STK10: variants seen among roughly 807,000 people sequenced by gnomAD.
STK10 encodes the protein serine/threonine kinase 10, also known as serine/threonine-protein kinase 10.
STK10 carries 78 observed loss-of-function variants against 113.8 expected under a neutral mutation model. The ratio of observed to expected loss-of-function variants is 0.69; its 90% CI spans 0.57 to 0.83. STK10 has a LOEUF of 0.83. Ranked by LOEUF, STK10 falls within the 40% of genes least tolerant of loss-of-function variation. The probability of loss-of-function intolerance (pLI) is 0.00; values close to 1 mark genes in which losing one functional copy is unlikely to be tolerated. For missense variants in STK10, 1,109 were observed against 1,280.1 expected, an observed-to-expected ratio of 0.87 and a Z score of 2.04; for synonymous variants, 465 against 494.7, an observed-to-expected ratio of 0.94 and a Z score of 0.80.
In STK10 at chr5:172,120,051, G is replaced by A. The variant is rs182668972; in HGVS notation, c.371-2421C>T. ...GGTGGAGCTGGCGGAATGTGGAGGC[G>A]GTGGGAGGAGGGGAGTGAGAAGATT... is the stretch of plus-strand genomic sequence containing the variant. On this transcript the variant is annotated intron_variant, in intron 3 of 18. Coordinates refer to ENST00000176763, the MANE Select transcript of STK10 (RefSeq NM_005990.4). The surrounding 1 kb of genome is among the most constrained non-coding windows in gnomAD (Gnocchi z 4.0). Among the ~76,000 whole-genome samples, 33 of 152,136 alleles carry A rather than the reference G, an allele frequency of 2.2e-4. No homozygotes were observed. The East Asian group carries it at 5.6e-3, about 26-fold the overall frequency.
chr5:172,123,175 A>G (rs1769551039), intron 3 of STK10, among the ~76,000 whole-genome samples: 1 of 152,136 alleles, frequency 6.6e-6, no homozygotes, highest in South Asian at 2.1e-4. Context: ...CAAAGTGGAG[A>G]TGGATGGAGG....
chr5:172,160,424 G>A (rs967217162), intron 1 of STK10, among the ~76,000 whole-genome samples: 9 of 151,670 alleles, frequency 5.9e-5, no homozygotes, highest in Middle Eastern at 3.4e-3. Context: ...GCAGTGAGCC[G>A]AGATCGCACC....
At chr5:172,179,120 A>G (rs1006704719) in intron 1 of STK10, among the ~76,000 whole-genome samples, 2 of 152,214 alleles carry the variant, frequency 1.3e-5, no homozygotes, top group African/African-American at 2.4e-5. Context: ...ATCTGACACC[A>G]AGAGCAGCAA....
rs1187820218 is a variant in STK10 at position 172,057,406 on chromosome 5, C to G, written c.2280G>C (p.Gln760His). Residue 760 changes from glutamine (Q) to histidine (H), a missense_variant, in exon 15 of 19, where the codon CAG becomes CAC. Around this residue, in one of 5 missense-constraint regions of STK10, gnomAD observed 885 missense variants for 991.1 expected, o/e 0.89. Coordinates refer to ENST00000176763, the MANE Select transcript of STK10 (RefSeq NM_005990.4). ...QLQERHQLVK[Q>H]QLKDQYFLQR... is the part of the protein sequence containing the mutation. The stretch of plus-strand genomic sequence containing the variant: ...GGAGGAAGTACTGGTCTTTGAGCTG[C>G]TGCTTCACCAGCTGGTGCCTCTCCT... 6.4e-7 allele frequency: 1 copy of G among 1,554,998 alleles called. No homozygotes were observed. Among genetic ancestry groups the G allele is most frequent in the Admixed American group, 1.9e-5 (1 of 51,736 alleles).
At chr5:172,148,671 C>G (rs1770140989) in intron 2 of STK10, among the ~76,000 whole-genome samples, 1 of 152,094 alleles carries the variant, frequency 6.6e-6, no homozygotes, top group South Asian at 2.1e-4. Flanking sequence ...CGGACGATGG[C>G]CCCTCAAGTG....
intron 18 of STK10, among the ~76,000 whole-genome samples, chr5:172,050,044 C>T (rs1468667242): frequency 1.3e-5 from 2 of 152,220 alleles, no homozygotes; most frequent in African/African-American, 4.8e-5. Context: ...CTCAGGTGAT[C>T]CACCCGCCTT....
rs1402120130 is a variant in STK10, at chr5:172,112,470, G to C, written c.521-4618C>G. ...AGAGTCTCGCATGTCACCCAGGCTG[G>C]AGTGCAGTGGTGTGATCTTCGCTCA... On this transcript the variant is annotated intron_variant, in intron 4 of 18. Coordinates refer to ENST00000176763, the MANE Select transcript of STK10 (RefSeq NM_005990.4). Among the ~76,000 whole-genome samples, 5 of 148,794 alleles carry C rather than the reference G, an allele frequency of 3.4e-5. No individual in the cohort carries two copies. The Admixed American group carries it at 3.4e-4, about 10-fold the overall frequency.
intron 7 of STK10, among the ~76,000 whole-genome samples, chr5:172,103,230 T>C (rs1161560945): frequency 6.6e-6 from 1 of 152,150 alleles, no homozygotes; most frequent in Non-Finnish European, 1.5e-5. Context: ...CCCGGTGTCC[T>C]CCCGAGGGGG....
At chr5:172,150,162 A>G (rs1274850745) in intron 2 of STK10, among the ~76,000 whole-genome samples, 1 of 151,692 alleles carries the variant, frequency 6.6e-6, no homozygotes, top group Non-Finnish European at 1.5e-5. Flanking sequence ...CTCGGGTCAC[A>G]CAGCCAGTTG....
chr5:172,048,787 T>A (rs528981297), intron 18 of STK10, among the ~76,000 whole-genome samples: 2 of 146,282 alleles, frequency 1.4e-5, no homozygotes, highest in East Asian at 3.9e-4. Context: ...AACCCTCCAG[T>A]GGCTTCCATC....
intron 7 of STK10, among the ~76,000 whole-genome samples, chr5:172,103,638 C>A (rs1185077489): frequency 2.0e-5 from 3 of 152,140 alleles, no homozygotes; most frequent in African/African-American, 7.2e-5. Flanking sequence ...AAAATGAGGC[C>A]TTTGGGCACT....
intron 1 of STK10, among the ~76,000 whole-genome samples, chr5:172,157,643 T>C (rs748427713): frequency 2.8e-4 from 43 of 152,142 alleles, no homozygotes; most frequent in Non-Finnish European, 5.7e-4. Flanking sequence ...CAGGCTGAAG[T>C]GCAGTGGTGT....
At chr5:172,085,426 C>T (rs1581147492) in intron 10 of STK10, among the ~76,000 whole-genome samples, 2 of 152,036 alleles carry the variant, frequency 1.3e-5, no homozygotes, top group South Asian at 4.2e-4. Context: ...CGGTGGCTCA[C>T]ACCTGTAATC....
intron 15 of STK10, among the ~76,000 whole-genome samples, chr5:172,056,796 C>T (rs915852911): frequency 6.6e-6 from 1 of 151,388 alleles, no homozygotes; most frequent in African/African-American, 2.4e-5. Context: ...ATCACTTGAA[C>T]CCAGGAGGTG....
intron 17 of STK10, among the ~76,000 whole-genome samples, chr5:172,053,852 C>T (rs915469855): frequency 2.6e-5 from 4 of 152,174 alleles, no homozygotes; most frequent in Admixed American, 2.0e-4. Flanking sequence ...GAGCTGTGCT[C>T]GGCACTTCAT....
At chr5:172,173,065 G>A (rs1770691382) in intron 1 of STK10, among the ~76,000 whole-genome samples, 2 of 152,172 alleles carry the variant, frequency 1.3e-5, no homozygotes, top group Non-Finnish European at 2.9e-5. Context: ...AGCCACTGTA[G>A]ATGGTCCTGC....
chr5:172,123,677 C>A (rs933488537), intron 3 of STK10, among the ~76,000 whole-genome samples: 19 of 152,130 alleles, frequency 1.2e-4, no homozygotes, highest in South Asian at 2.1e-4. Context: ...TATGCTACAG[C>A]CAATGAGACA....
rs371355194 is a variant in STK10 at position 172,096,515 on chromosome 5, G to C, written c.916C>G (p.Leu306Val). 5 of 1,613,678 alleles carry C rather than the reference G, an allele frequency of 3.1e-6. No individual in the cohort carries two copies. In the African/African-American group the frequency reaches 4.0e-5, roughly 13 times the overall value. ...SITSNKALRE[L>V]VAEAKAEVME... The stretch of plus-strand genomic sequence containing the variant: ...ACCTCGGCCTTGGCCTCAGCCACCA[G>C]CTCCCGCAGAGCCTTGTTACTGGTG... Residue 306 changes from leucine (L) to valine (V), a missense_variant, in exon 8 of 19, where the codon CTG becomes GTG. Leu to Val is a conservative substitution (Grantham distance 32). Around this residue, in one of 5 missense-constraint regions of STK10, gnomAD observed 885 missense variants for 991.1 expected, o/e 0.89. Coordinates refer to ENST00000176763, the MANE Select transcript of STK10 (RefSeq NM_005990.4).
chr5:172,146,808 C>T (rs1023467516), intron 2 of STK10, among the ~76,000 whole-genome samples: 5 of 152,248 alleles, frequency 3.3e-5, no homozygotes, highest in African/African-American at 7.2e-5. Flanking sequence ...ACACCACAAT[C>T]ATCAACACAG....
Sources: gnomAD v4.1 joint callset for allele counts (sites outside exome capture counted in the v4.1 genomes callset) on GRCh38, gnomAD v4.1.1 for gene constraint, gnomAD v4.1.1 regional missense constraint, Gnocchi (gnomAD v3.1) non-coding constraint, MANE v1.5 for transcripts, NCBI Gene and HGNC (gene_info 2026-07-23, HGNC 2026-07-21) for gene names.